The following MYT1L variants were observed in gnomAD, a reference collection of about 807,000 sequenced individuals.
The protein encoded by MYT1L is myelin transcription factor 1 like, also known as myelin transcription factor 1-like protein.
Under a neutral mutation model 126.7 loss-of-function variants are expected in MYT1L, and 12 were observed. The ratio of observed to expected loss-of-function variants is 0.09; its 90% confidence interval spans 0.06 to 0.15. The LOEUF (loss-of-function observed/expected upper bound fraction) is 0.15, where lower values mean the gene tolerates loss of function less well. Among genes scored for constraint, MYT1L ranks in the 10% least tolerant of loss-of-function variants. MYT1L has a pLI of 1.00. For synonymous variants in MYT1L, 541 were observed against 604.2 expected, an observed-to-expected ratio of 0.90 and a Z score of 1.53; for missense variants, 979 against 1,585.2, an observed-to-expected ratio of 0.62 and a Z score of 6.49.
intron 3 of MYT1L, among the ~76,000 whole-genome samples, chr2:2,088,528 C>G (rs1316866260): frequency 6.6e-6 from 1 of 152,096 alleles, no homozygotes; most frequent in Non-Finnish European, 1.5e-5. Context: ...TGAGACAATC[C>G]CAGGCACTGG....
chr2:2,007,446 T>G (rs1404583119), intron 4 of MYT1L, among the ~76,000 whole-genome samples: 1 of 152,238 alleles, frequency 6.6e-6, no homozygotes, highest in Non-Finnish European at 1.5e-5. Flanking sequence ...TTACAGAAAC[T>G]GTCTGTGCCT....
At chr2:1,983,009 A>C (rs575729104) in intron 5 of MYT1L, among the ~76,000 whole-genome samples, 1 of 152,222 alleles carries the variant, frequency 6.6e-6, no homozygotes, top group Non-Finnish European at 1.5e-5. Flanking sequence ...TCATCCTTTC[A>C]GTATTTTTTA....
chr2:1,837,413 T>G (rs2041060550), intron 21 of MYT1L, among the ~76,000 whole-genome samples: 1 of 152,122 alleles, frequency 6.6e-6, no homozygotes, highest in South Asian at 2.1e-4. Context: ...TTTACAAAAT[T>G]TTTAAACATT....
chr2:2,218,646 T>C lies in MYT1L; in HGVS notation c.-420-45658A>G, dbSNP rs116776753. Among the ~76,000 whole-genome samples the C allele has an allele frequency of 3.9e-3, 461 of 118,132 alleles. 3 individuals carry two copies. Among genetic ancestry groups the C allele is most frequent in the African/African-American group, 0.014 (444 of 30,848 alleles). 77.5% of individuals were successfully genotyped at this position (118,132 alleles called of 152,430 possible). A position where few individuals can be genotyped will look rare whatever the true frequency, so the allele number is the denominator to read the frequency against. On this transcript the variant is annotated intron_variant, in intron 2 of 24. Coordinates refer to ENST00000647738, the MANE Select transcript of MYT1L (RefSeq NM_001303052.2). Reference sequence around the variant, plus strand: ...TTTACCACTTGACTGTGGTGATGCATGGGGATCTACACACATCACAACTTA... The same window carrying C: ...TTTACCACTTGACTGTGGTGATGCACGGGGATCTACACACATCACAACTTA...
intron 3 of MYT1L, among the ~76,000 whole-genome samples, chr2:2,083,212 C>A (rs544471397): frequency 8.5e-5 from 13 of 152,322 alleles, no homozygotes; most frequent in Middle Eastern, 3.4e-3. Flanking sequence ...CTAAGTGCTG[C>A]GGCTTTTCTC....
intron 2 of MYT1L, among the ~76,000 whole-genome samples, chr2:2,270,736 C>A (rs1203543824): frequency 2.0e-5 from 3 of 152,068 alleles, no homozygotes; most frequent in African/African-American, 7.2e-5. Context: ...AAAGAAAGTA[C>A]AGCACAGTCT....
intron 5 of MYT1L, among the ~76,000 whole-genome samples, chr2:1,987,401 T>G (rs1300341514): frequency 6.6e-6 from 1 of 151,660 alleles, no homozygotes; most frequent in Admixed American, 6.6e-5. Flanking sequence ...TCTCTTGGCC[T>G]CAGATGGCCG....
intron 21 of MYT1L, among the ~76,000 whole-genome samples, chr2:1,815,440 C>A (rs779212744): frequency 1.3e-5 from 2 of 152,250 alleles, no homozygotes; most frequent in Non-Finnish European, 2.9e-5. Flanking sequence ...TCTACCCCAG[C>A]AGGGTCATCC....
chr2:2,028,515 A>C (rs750160833), intron 4 of MYT1L, among the ~76,000 whole-genome samples: 13 of 152,218 alleles, frequency 8.5e-5, no homozygotes, highest in Non-Finnish European at 1.9e-4. Context: ...CAAGACACTG[A>C]AATGACAGAT....
At chr2:2,264,069 G>T (rs946450246) in intron 2 of MYT1L, among the ~76,000 whole-genome samples, 1 of 152,158 alleles carries the variant, frequency 6.6e-6, no homozygotes, top group South Asian at 2.1e-4. Flanking sequence ...AAGTTAACTT[G>T]CTGGGCCAAA....
rs376638996 is a variant in MYT1L, at chr2:2,079,632, C to T, written c.-303-25509G>A. ...CATCCTGGCTAACATGGTGAAACCA[C>T]GTGTCTATTAAAAATACACAAAAAA... On this transcript the variant is annotated intron_variant, in intron 3 of 24. Coordinates refer to ENST00000647738, the MANE Select transcript of MYT1L (RefSeq NM_001303052.2). 5.5e-4 allele frequency among the ~76,000 whole-genome samples: 84 copies of T among 152,192 alleles called. 1 individual carries two copies. In the South Asian group the frequency reaches 6.8e-3, roughly 12 times the overall value.
chr2:2,010,669 A>G (rs560777771), intron 4 of MYT1L, among the ~76,000 whole-genome samples: 4 of 152,296 alleles, frequency 2.6e-5, no homozygotes, highest in African/African-American at 7.2e-5. Flanking sequence ...ATGATCTTCT[A>G]TGCAATGGCT....
chr2:2,024,781 C>T lies in MYT1L; in HGVS notation c.-157-27434G>A, dbSNP rs544650517. Reference sequence around the variant, plus strand: ...ACCAATTCTGACTTCCTCCTGTTGTCAATATCATCAAGGTGTTCTCAATCA... The same window carrying T: ...ACCAATTCTGACTTCCTCCTGTTGTTAATATCATCAAGGTGTTCTCAATCA... On this transcript the variant is annotated intron_variant, in intron 4 of 24. Coordinates refer to ENST00000647738, the MANE Select transcript of MYT1L (RefSeq NM_001303052.2). 2.6e-5 allele frequency among the ~76,000 whole-genome samples: 4 copies of T among 152,344 alleles called. No individual in the cohort carries two copies. The East Asian group carries it at 7.7e-4, about 29-fold the overall frequency.
intron 2 of MYT1L, among the ~76,000 whole-genome samples, chr2:2,255,758 C>T (rs935231464): frequency 6.6e-6 from 1 of 152,142 alleles, no homozygotes; most frequent in African/African-American, 2.4e-5. Flanking sequence ...CCATATTAGA[C>T]TGGCTGTTGT....
chr2:2,099,322 C>T (rs2150456815), intron 3 of MYT1L, among the ~76,000 whole-genome samples: 1 of 151,462 alleles, frequency 6.6e-6, no homozygotes, highest in East Asian at 1.9e-4. Flanking sequence ...GGAGTTTATG[C>T]TTCAATTTTT....
intron 4 of MYT1L, among the ~76,000 whole-genome samples, chr2:2,041,988 A>T (rs1038758260): frequency 6.6e-6 from 1 of 152,188 alleles, no homozygotes; most frequent in South Asian, 2.1e-4. Context: ...TCTTTAAGCT[A>T]ATCTTAGAAG....
At chr2:2,213,326 G>A (rs1328645811) in intron 2 of MYT1L, among the ~76,000 whole-genome samples, 1 of 152,168 alleles carries the variant, frequency 6.6e-6, no homozygotes, top group Non-Finnish European at 1.5e-5. Flanking sequence ...AGGAGACAGA[G>A]CTTAGTGTCC....
intron 3 of MYT1L, among the ~76,000 whole-genome samples, chr2:2,147,707 C>T (rs2085094163): frequency 1.3e-5 from 2 of 152,196 alleles, no homozygotes; most frequent in Admixed American, 1.3e-4. Flanking sequence ...TGCCAACCTG[C>T]TCACGAGAGC....
At position 1,943,378 on chromosome 2, in the gene MYT1L, A is replaced by T; in HGVS notation, c.153-44T>A. The T allele has an allele frequency of 6.7e-7, 1 of 1,485,750 alleles. No individual in the cohort carries two copies. Among genetic ancestry groups the T allele is most frequent in the Non-Finnish European group, 8.9e-7 (1 of 1,120,180 alleles). The allele number at this position is 1,485,750 out of a possible 1,614,324, so 92.0% of individuals were successfully genotyped here. A position where few individuals can be genotyped will look rare whatever the true frequency, so the allele number is the denominator to read the frequency against. ...AAGGCAGGGGAGAGAGAGAAAAAAA[A>T]TATCTGTGTTACTGTCTTTTAAAAT... On this transcript the variant is annotated intron_variant, in intron 8 of 24. Transcript: ENST00000647738. This position sits in a 1 kb window ranked among gnomAD's most constrained non-coding sequence, Gnocchi z 4.4.
Sources: allele counts gnomAD v4.1 joint callset (sites outside exome capture counted in the v4.1 genomes callset), GRCh38; gene constraint gnomAD v4.1.1; non-coding constraint Gnocchi (gnomAD v3.1); transcripts MANE v1.5; gene names NCBI Gene and HGNC (gene_info 2026-07-23, HGNC 2026-07-21).